The following BSN variants were observed in gnomAD, a reference collection of about 807,000 sequenced individuals.
BSN encodes bassoon presynaptic cytomatrix protein, also known as protein bassoon.
A neutral mutation model predicts 264.8 loss-of-function variants in BSN; 57 were observed. That is an observed-to-expected ratio of 0.22 (90% CI 0.17 to 0.27). The LOEUF is 0.27. BSN is among the 10% of genes least tolerant of loss of function. The pLI is 1.00. For synonymous variants in BSN, 2,059 were observed against 2,137.3 expected (o/e 0.96, Z 1.01); for missense variants, 4,615 against 5,232.5 (o/e 0.88, Z 3.64).
chr3:49,597,717 G>A (rs1198169190), intron 1 of BSN, among the ~76,000 whole-genome samples: 1 of 151,814 alleles, frequency 6.6e-6, no homozygotes, highest in African/African-American at 2.4e-5. Flanking sequence ...ATCTCGGCTC[G>A]CTGCAAACTC....
At chr3:49,645,961 C>G (rs1377364857) in intron 3 of BSN, among the ~76,000 whole-genome samples, 1 of 152,288 alleles carries the variant, frequency 6.6e-6, no homozygotes, top group African/African-American at 2.4e-5. Flanking sequence ...ACCCGTGGAG[C>G]CCCCCTCATA....
chr3:49,634,221 A>C (rs1826347), intron 2 of BSN, among the ~76,000 whole-genome samples: 74,569 of 150,506 alleles, frequency 0.5, 19,899 homozygotes, highest in East Asian at 0.94. Context: ...AAAAAAAAAA[A>C]AGAGCTGGAG....
chr3:49,607,782 G>A (rs571145552), intron 1 of BSN, among the ~76,000 whole-genome samples: 1 of 152,358 alleles, frequency 6.6e-6, no homozygotes, highest in African/African-American at 2.4e-5. Flanking sequence ...TAGACGCTGA[G>A]CCCTGGAAAG....
intron 1 of BSN, among the ~76,000 whole-genome samples, chr3:49,614,334 C>T (rs1466642819): frequency 2.6e-5 from 4 of 152,184 alleles, no homozygotes; most frequent in African/African-American, 9.7e-5. Context: ...GCTGGGATTA[C>T]AGGCGTGAGC....
chr3:49,662,407 T>C lies in BSN; in HGVS notation c.10562T>C (p.Leu3521Pro), dbSNP rs1442880031. The C allele has an allele frequency of 3.7e-6, 6 of 1,613,304 alleles. No homozygotes were observed. The highest frequency in any genetic ancestry group is 5.1e-6 in the Non-Finnish European group (6 of 1,179,960). ...LGRPRPAGGP[L>P]PPGGDTCPQF... ...AGGCCCCGCCCTGCCGGAGGGCCCCTCCCTCCCGGCGGGGATACCTGCCCA... is the reference window on the plus strand; with the variant it reads ...AGGCCCCGCCCTGCCGGAGGGCCCCCCCCTCCCGGCGGGGATACCTGCCCA... The change falls in exon 6 of 12, where the codon CTC (leucine) becomes CCC (proline). Residue 3521 changes from leucine to proline, a missense_variant. Transcript: ENST00000296452.
chr3:49,626,769 G>T (rs2108059337), intron 2 of BSN, among the ~76,000 whole-genome samples: 1 of 152,348 alleles, frequency 6.6e-6, no homozygotes, highest in Middle Eastern at 3.4e-3. Context: ...GCCCCTCTGG[G>T]TTCCAGCTCC....
chr3:49,579,294 C>T (rs2051874727), intron 1 of BSN, among the ~76,000 whole-genome samples: 1 of 152,008 alleles, frequency 6.6e-6, no homozygotes, highest in Non-Finnish European at 1.5e-5. Flanking sequence ...CAGCCAGTTA[C>T]TTCTTTCCTT....
chr3:49,660,904 T>A lies in BSN; in HGVS notation c.9059T>A (p.Leu3020Gln). Residue 3020 changes from leucine (L) to glutamine (Q), a missense_variant, in exon 6 of 12, where the codon CTG becomes CAG. Coordinates refer to ENST00000296452, the MANE Select transcript of BSN (RefSeq NM_003458.4). The surrounding 1 kb of genome is among the most constrained non-coding windows in gnomAD (Gnocchi z 7.1). ...CTATCGGACAGTGAGCTCAACCAGC[T>A]GCGGCTCCAGGGCTGCACCACTCCC... is the stretch of plus-strand genomic sequence containing the variant. Reference protein sequence around the residue: ...DYLSDSELNQLRLQGCTTPAG... With the variant: ...DYLSDSELNQQRLQGCTTPAG... The A allele has an allele frequency of 6.2e-7, 1 of 1,612,790 alleles. No homozygotes were observed. Among genetic ancestry groups the A allele is most frequent in the Non-Finnish European group, 8.5e-7 (1 of 1,180,004 alleles).
In BSN at chr3:49,661,420, G is replaced by A; in HGVS notation, c.9575G>A (p.Gly3192Asp). The stretch of plus-strand genomic sequence containing the variant: ...GCAGTGAGCAGCGGCTATGAGCAGG[G>A]CAAGGTCCCTGAGGTGCCCCGGGCT... ...GPAVSSGYEQ[G>D]KVPEVPRAGD... Residue 3192 changes from glycine (G) to aspartate (D), a missense_variant, in exon 6 of 12, where the codon GGC becomes GAC. Physicochemically the swap from Gly to Asp is moderately conservative, Grantham distance 94. Around this residue, in one of 3 missense-constraint regions of BSN, gnomAD observed 3,415 missense variants for 3,866.4 expected, o/e 0.88. Transcript: ENST00000296452. 6.2e-7 allele frequency: 1 copy of A among 1,613,736 alleles called. No homozygotes were observed. Among genetic ancestry groups the A allele is most frequent in the Non-Finnish European group, 8.5e-7 (1 of 1,179,980 alleles).
intron 1 of BSN, among the ~76,000 whole-genome samples, chr3:49,567,647 TA>T (rs1453790423): frequency 6.6e-6 from 1 of 152,206 alleles, no homozygotes; most frequent in African/African-American, 2.4e-5. Flanking sequence ...AACATTCCTG[TA>T]GTCAAGCAAT....
chr3:49,608,211 G>T (rs1281171075), intron 1 of BSN, among the ~76,000 whole-genome samples: 1 of 152,218 alleles, frequency 6.6e-6, no homozygotes, highest in Non-Finnish European at 1.5e-5. Context: ...ATAGGTATTA[G>T]ATTTCTCCTT....
In BSN at chr3:49,651,064, G is replaced by A; in HGVS notation, c.1971G>A (p.Lys657=). Residue 657 remains lysine (K), a synonymous_variant, in exon 4 of 12, where the codon AAG becomes AAA. Coordinates refer to ENST00000296452, the MANE Select transcript of BSN (RefSeq NM_003458.4). The surrounding 1 kb of genome is among the most constrained non-coding windows in gnomAD (Gnocchi z 5.4). The part of the protein sequence containing the change: ...PVVKAVPEAP[K]GGEAEDLVGK... Reference sequence around the variant, plus strand: ...TCAAGGCTGTTCCAGAAGCCCCCAAGGGTGGGGAGGCGGAGGTCAGTCCCA... The same window carrying A: ...TCAAGGCTGTTCCAGAAGCCCCCAAAGGTGGGGAGGCGGAGGTCAGTCCCA... 1 of 1,611,302 alleles carries A rather than the reference G, an allele frequency of 6.2e-7. No homozygotes were observed. Among genetic ancestry groups the A allele is most frequent in the Non-Finnish European group, 8.5e-7 (1 of 1,179,326 alleles).
At position 49,663,462 on chromosome 3, in the gene BSN, C is replaced by T. The variant is rs1423121245; in HGVS notation, c.11304C>T (p.Pro3768=). Reference sequence around the variant, plus strand: ...AGTCACCATCATCCAGGCAAATACCCTCTGGGGCAGCATCACGCCAGCCAC... The same window carrying T: ...AGTCACCATCATCCAGGCAAATACCTTCTGGGGCAGCATCACGCCAGCCAC... ...QSQSPSSRQI[P]SGAASRQPQT... Residue 3768 remains proline, a synonymous_variant, in exon 7 of 12, where the codon CCC becomes CCT. Coordinates refer to ENST00000296452, the MANE Select transcript of BSN (RefSeq NM_003458.4). 18 of 1,613,014 alleles carry T rather than the reference C, an allele frequency of 1.1e-5. No individual in the cohort carries two copies. The highest frequency in any genetic ancestry group is 1.5e-5 in the Non-Finnish European group (18 of 1,180,000).
In BSN at chr3:49,642,373, C is replaced by G; in HGVS notation, c.739C>G (p.Leu247Val). The change falls in exon 3 of 12, where the codon CTG becomes GTG. Residue 247 changes from leucine (L) to valine (V), a missense_variant. Coordinates refer to ENST00000296452, the MANE Select transcript of BSN (RefSeq NM_003458.4). This position sits in a 1 kb window ranked among gnomAD's most constrained non-coding sequence, Gnocchi z 7.0. ...CCAGCAGCAGCTGCACTCCCCAGCC[C>G]TGTCTCCTGCCCACTCCCCGGCCAA... ...KSQQQLHSPA[L>V]SPAHSPAKQP... 1 of 1,599,958 alleles carries G rather than the reference C, an allele frequency of 6.3e-7. No individual in the cohort carries two copies.
intron 1 of BSN, among the ~76,000 whole-genome samples, chr3:49,556,099 AAAC>A (rs1296813561): frequency 6.6e-6 from 1 of 152,212 alleles, no homozygotes; most frequent in Non-Finnish European, 1.5e-5. Context: ...TTAGCACTGC[AAAC>A]ACTGTCCATT....
intron 1 of BSN, among the ~76,000 whole-genome samples, chr3:49,596,685 A>G (rs1362498749): frequency 3.9e-5 from 6 of 152,014 alleles, no homozygotes; most frequent in South Asian, 2.1e-4. Flanking sequence ...GGGTCTCACT[A>G]TTTTGCCCAG....
intron 1 of BSN, among the ~76,000 whole-genome samples, chr3:49,597,716 C>G (rs530306719): frequency 6.6e-6 from 1 of 152,114 alleles, no homozygotes. Context: ...AATCTCGGCT[C>G]GCTGCAAACT....
At chr3:49,646,230 G>A (rs1482329599) in intron 3 of BSN, among the ~76,000 whole-genome samples, 1 of 152,178 alleles carries the variant, frequency 6.6e-6, no homozygotes, top group Non-Finnish European at 1.5e-5. Context: ...TCATAATTAA[G>A]AGTTGTTGAT....
At chr3:49,620,292 GC>G (rs979918079) in intron 1 of BSN, among the ~76,000 whole-genome samples, 19 of 152,124 alleles carry the variant, frequency 1.2e-4, no homozygotes, top group Non-Finnish European at 8.8e-5. Flanking sequence ...GGGCATGGTG[GC>G]ACATGCCTGT....
Sources: gnomAD v4.1 joint callset for allele counts (sites outside exome capture counted in the v4.1 genomes callset) on GRCh38, gnomAD v4.1.1 for gene constraint, gnomAD v4.1.1 regional missense constraint, Gnocchi (gnomAD v3.1) non-coding constraint, MANE v1.5 for transcripts, NCBI Gene and HGNC (gene_info 2026-07-23, HGNC 2026-07-21) for gene names.